NPM2: variants seen among roughly 807,000 people sequenced by gnomAD.
NPM2 encodes the protein nucleophosmin/nucleoplasmin 2.
A neutral mutation model predicts 32.0 loss-of-function variants in NPM2; 25 were observed. The ratio of observed to expected loss-of-function variants is 0.78; its 90% CI spans 0.57 to 1.09. NPM2 has a LOEUF of 1.09. Ranked by LOEUF, NPM2 falls within the 50% of genes least tolerant of loss-of-function variation. The probability of loss-of-function intolerance (pLI) is 0.00; values close to 1 mark genes in which losing one functional copy is unlikely to be tolerated. For synonymous variants in NPM2, 111 were observed against 94.2 expected, an observed-to-expected ratio of 1.18 and a Z score of -1.04; for missense variants, 282 against 259.9, an observed-to-expected ratio of 1.08 and a Z score of -0.58.
intron 6 of NPM2, among the ~76,000 whole-genome samples, 195 bp from the exon 7 acceptor site, chr8:22,033,914 A>G (rs1585520691): frequency 6.6e-6 from 1 of 151,608 alleles, no homozygotes; most frequent in Non-Finnish European, 1.5e-5. Context: ...CCCCTACCCT[A>G]CCCTGGCCTC....
chr8:22,029,422 G>A (rs1180879976), intron 5 of NPM2, among the ~76,000 whole-genome samples: 1 of 152,164 alleles, frequency 6.6e-6, no homozygotes, highest in African/African-American at 2.4e-5. Flanking sequence ...GGAATTATAG[G>A]TGTGAGCTAC....
intron 5 of NPM2, 75 bp from the exon 6 acceptor site, chr8:22,033,055 A>G: frequency 9.4e-7 from 1 of 1,068,382 alleles, no homozygotes; most frequent in Non-Finnish European, 1.5e-6. Flanking sequence ...TCAACTCAGT[A>G]TTTCTGCCTG....
chr8:22,025,565 T>C, intron 4 of NPM2, 44 bp downstream of exon 4: 2 of 1,613,422 alleles, frequency 1.2e-6, no homozygotes, highest in African/African-American at 1.3e-5. Context: ...GTCCGGGAAC[T>C]TTCTGGTCCC....
At position 22,035,052 on chromosome 8, in the gene NPM2, G is replaced by A. The variant is rs141168247; in HGVS notation, c.566+508G>A. Reference sequence around the variant, plus strand: ...GCCCGGGGAAAAGTTGCAGTGAGCCGAGATCGTGCCACTGCGCTCCAGCCT... The same window carrying A: ...GCCCGGGGAAAAGTTGCAGTGAGCCAAGATCGTGCCACTGCGCTCCAGCCT... On this transcript the variant is annotated intron_variant, in intron 8 of 9. Coordinates refer to ENST00000518119, the MANE Select transcript of NPM2 (RefSeq NM_001286680.2). 4.8e-3 allele frequency among the ~76,000 whole-genome samples: 729 copies of A among 152,282 alleles called. 5 individuals are homozygous for A. Among genetic ancestry groups the A allele is most frequent in the African/African-American group, 0.016 (670 of 41,550 alleles).
intron 7 of NPM2, 68 bp downstream of exon 7, chr8:22,034,343 C>A: frequency 6.8e-7 from 1 of 1,476,208 alleles, no homozygotes; most frequent in East Asian, 2.3e-5. Context: ...GAGGGGTGGG[C>A]CACCGGGAGC....
rs1275989970 is a variant in NPM2 at position 22,024,212 on chromosome 8, G to A, written c.-552G>A. 1 of 152,142 alleles carries A rather than the reference G, an allele frequency of 6.6e-6. No individual in the cohort carries two copies. The highest frequency in any genetic ancestry group is 2.4e-5 in the African/African-American group (1 of 41,354). The allele number at this position is 152,142 out of a possible 1,614,324, so 9.4% of individuals were successfully genotyped here. A position where few individuals can be genotyped will look rare whatever the true frequency, so the allele number is the denominator to read the frequency against. ...CCCCACCTGCCCGCTGCGGCTCTCC[G>A]CGGGAGATCTCACCGTTCTGGAGAC... On this transcript the variant is annotated 5_prime_UTR_variant, in exon 1 of 10. Transcript: ENST00000518119.
In NPM2 at chr8:22,033,217, C is replaced by T. The variant is rs1250059321; in HGVS notation, c.358C>T (p.Arg120Cys). Residue 120 changes from arginine (R) to cysteine (C), a missense_variant, in exon 6 of 10, where the codon CGT becomes TGT. Physicochemically the swap from Arg to Cys is radical, Grantham distance 180. Coordinates refer to ENST00000518119, the MANE Select transcript of NPM2 (RefSeq NM_001286680.2). ...ACCCGTGTTCCTCAGTGGCCAGGAA[C>T]GTTATGGTAAGTCAGAGCCTGCGAT... ...SGPVFLSGQERYEASDLTWEE... is the reference protein window; with the variant it reads ...SGPVFLSGQECYEASDLTWEE... The T allele has an allele frequency of 7.4e-6, 12 of 1,613,568 alleles. No homozygotes were observed. Among genetic ancestry groups the T allele is most frequent in the South Asian group, 1.1e-5 (1 of 91,062 alleles).
intron 5 of NPM2, 56 bp downstream of exon 5, chr8:22,025,828 G>A (rs916210314): frequency 1.2e-6 from 2 of 1,610,792 alleles, no homozygotes; most frequent in Non-Finnish European, 1.7e-6. Context: ...TCACCCTTGG[G>A]TGGGGATGGA....
At chr8:22,026,705 T>G (rs972577283) in intron 5 of NPM2, among the ~76,000 whole-genome samples, 1 of 152,222 alleles carries the variant, frequency 6.6e-6, no homozygotes, top group Admixed American at 6.5e-5. Context: ...TTCGCCCGCC[T>G]TGGCCTCCCG....
intron 5 of NPM2, among the ~76,000 whole-genome samples, chr8:22,029,452 A>G (rs1800363769): frequency 6.6e-6 from 1 of 152,118 alleles, no homozygotes; most frequent in African/African-American, 2.4e-5. Context: ...CCTGATTCTC[A>G]TCTTTTTAAC....
chr8:22,029,484 T>G (rs1563353606), intron 5 of NPM2, among the ~76,000 whole-genome samples: 3 of 152,206 alleles, frequency 2.0e-5, no homozygotes, highest in African/African-American at 4.8e-5. Context: ...TATCAAGTGT[T>G]CTAGCTCCAA....
chr8:22,025,120 C>A, intron 2 of NPM2, 96 bp from the exon 3 acceptor site: 3 of 1,021,216 alleles, frequency 2.9e-6, no homozygotes, highest in Non-Finnish European at 4.2e-6. Context: ...CCGCGAGCGA[C>A]CCCTCAGTAC....
intron 7 of NPM2, 62 bp from the exon 8 acceptor site, chr8:22,034,448 G>A (rs1800550951): frequency 6.7e-7 from 1 of 1,501,414 alleles, no homozygotes. Context: ...TGGACTTTGG[G>A]AATCTGTTCT....
In NPM2 at chr8:22,025,652, C is replaced by A; in HGVS notation, c.150C>A (p.Cys50Ter). Reference protein sequence around the residue: ...QSCRLLLHTICLGEKAKEEMH... With the variant: ...QSCRLLLHTI ...CTATTTTCAACCCCGCTCAGATTTG[C>A]TTGGGGGAGAAAGCCAAAGAGGAGA... is the stretch of plus-strand genomic sequence containing the variant. Residue 50 changes from cysteine (C) to a stop codon, truncating the protein, a stop_gained, in exon 5 of 10, where the codon TGC becomes TGA. Coordinates refer to ENST00000518119, the MANE Select transcript of NPM2 (RefSeq NM_001286680.2). LOFTEE classifies it high-confidence loss of function. The A allele has an allele frequency of 1.9e-6, 3 of 1,614,130 alleles. No individual in the cohort carries two copies. Among genetic ancestry groups the A allele is most frequent in the East Asian group, 4.5e-5 (2 of 44,870 alleles).
In NPM2 at chr8:22,027,200, G is replaced by A. The variant is rs143328177; in HGVS notation, c.270+1428G>A. Among the ~76,000 whole-genome samples, 16 of 152,248 alleles carry A rather than the reference G, an allele frequency of 1.1e-4. No homozygotes were observed. The South Asian group carries it at 1.7e-3, about 16-fold the overall frequency. ...GTATTTAGGTGTTCAGGACATGCTA[G>A]CCTCATGCACTGAGGGTGGAGGGTT... On this transcript the variant is annotated intron_variant, in intron 5 of 9. Transcript: ENST00000518119.
chr8:22,036,336 A>G (rs558209182), intron 8 of NPM2, 157 bp from the exon 9 acceptor site: 1 of 632,026 alleles, frequency 1.6e-6, no homozygotes, highest in Non-Finnish European at 2.8e-6. Context: ...ATGCACACGC[A>G]CACACATCCC....
intron 2 of NPM2, 66 bp from the exon 3 acceptor site, chr8:22,025,150 T>C: frequency 7.3e-7 from 1 of 1,365,886 alleles, no homozygotes; most frequent in Non-Finnish European, 1.0e-6. Flanking sequence ...CCTGCTGGTC[T>C]CTGGCATCCT....
intron 8 of NPM2, 123 bp downstream of exon 8, chr8:22,034,667 G>T (rs529727939): frequency 1.3e-5 from 10 of 762,962 alleles, no homozygotes; most frequent in Middle Eastern, 2.4e-4. Context: ...ACCTGCACTC[G>T]CAGGCACATG....
intron 5 of NPM2, among the ~76,000 whole-genome samples, chr8:22,026,855 C>G (rs1800273316): frequency 6.6e-6 from 1 of 152,084 alleles, no homozygotes; most frequent in Admixed American, 6.5e-5. Context: ...TTATTTCCTT[C>G]TTGTTTTTTA....
Sources: allele counts gnomAD v4.1 joint callset (sites outside exome capture counted in the v4.1 genomes callset), GRCh38; gene constraint gnomAD v4.1.1; transcripts MANE v1.5; gene names NCBI Gene and HGNC (gene_info 2026-07-23, HGNC 2026-07-21).